PATJ: variants seen among roughly 807,000 people sequenced by gnomAD.
The protein encoded by PATJ is inaD-like protein.
PATJ carries 190 observed loss-of-function variants against 224.9 expected under a neutral mutation model. That is an observed-to-expected ratio of 0.84 (90% CI 0.75 to 0.95). The LOEUF (loss-of-function observed/expected upper bound fraction) is 0.95, where lower values mean the gene tolerates loss of function less well. Ranked by LOEUF, PATJ falls within the 40% of genes least tolerant of loss-of-function variation. PATJ has a pLI of 0.00. For missense variants in PATJ, 2,121 were observed against 2,270.3 expected (o/e 0.93, Z 1.34); for synonymous variants, 769 against 820.3 (o/e 0.94, Z 1.07).
chr1:61,901,637 G>A (rs1335509486), intron 24 of PATJ, among the ~76,000 whole-genome samples, 178 bp downstream of exon 24: 2 of 152,194 alleles, frequency 1.3e-5, no homozygotes, highest in Non-Finnish European at 1.5e-5. Flanking sequence ...TCAAGTGAGT[G>A]TGGGCAGGGG....
chr1:62,084,571 C>G lies in PATJ; in HGVS notation c.4300C>G (p.Gln1434Glu). 1.9e-6 allele frequency: 3 copies of G among 1,613,290 alleles called. No individual in the cohort carries two copies. Among genetic ancestry groups the G allele is most frequent in the Non-Finnish European group, 2.5e-6 (3 of 1,179,748 alleles). ...DPATCPIVPG[Q>E]EMIIEISKGR... ...CGCAACGTGTCCCATTGTCCCTGGA[C>G]AGGAAATGATTATAGAAATATCCAA... The change falls in exon 33 of 44, where the codon CAG becomes GAG. Residue 1434 changes from glutamine (Q) to glutamate (E), a missense_variant. Physicochemically the swap from Gln to Glu is conservative, Grantham distance 29. Transcript: ENST00000642238.
intron 41 of PATJ, among the ~76,000 whole-genome samples, chr1:62,146,645 C>T (rs1396227691): frequency 2.0e-5 from 3 of 151,854 alleles, no homozygotes; most frequent in African/African-American, 7.3e-5. Context: ...GGCGTGGTGG[C>T]GGGTGCCTGT....
intron 27 of PATJ, among the ~76,000 whole-genome samples, chr1:61,964,394 TA>T (rs1681771226): frequency 6.6e-6 from 1 of 152,182 alleles, no homozygotes; most frequent in African/African-American, 2.4e-5. Context: ...AAAAGCAGTA[TA>T]ATTTCTTATG....
chr1:61,801,671 C>A lies in PATJ; in HGVS notation c.1451C>A (p.Ala484Glu). 6.2e-7 allele frequency: 1 copy of A among 1,600,012 alleles called. No homozygotes were observed. Among genetic ancestry groups the A allele is most frequent in the Non-Finnish European group, 8.5e-7 (1 of 1,170,392 alleles). ...LKPPALFLTG[A>E]VETETNVDGE... is the part of the protein sequence containing the mutation. ...CCACCAGCTCTCTTTCTAACTGGAG[C>A]AGTGGAAACTGAAACTAATGTGGAT... Residue 484 changes from alanine (A) to glutamate (E), a missense_variant, in exon 12 of 44, where the codon GCA becomes GAA. Coordinates refer to ENST00000642238, the MANE Select transcript of PATJ (RefSeq NM_001350145.3).
chr1:61,991,182 AATGATGATGATG>A (rs71582656), intron 28 of PATJ, among the ~76,000 whole-genome samples: 24 of 151,042 alleles, frequency 1.6e-4, no homozygotes, highest in South Asian at 6.3e-4. Flanking sequence ...TAAGAAATGC[AATGATGATGATG>A]ATGATGATGA....
At chr1:61,982,580 T>C (rs372408298) in intron 27 of PATJ, among the ~76,000 whole-genome samples, 117 of 152,184 alleles carry the variant, frequency 7.7e-4, no homozygotes, top group Non-Finnish European at 1.6e-3. Flanking sequence ...ATTGTGACCA[T>C]GTGAGGATTC....
At chr1:62,137,585 G>GA (rs1419317689) in intron 41 of PATJ, among the ~76,000 whole-genome samples, 3 of 112,420 alleles carry the variant, frequency 2.7e-5, no homozygotes, top group Non-Finnish European at 3.7e-5. Flanking sequence ...AGAGGCCTGA[G>GA]GGGGAAATGC....
intron 33 of PATJ, among the ~76,000 whole-genome samples, chr1:62,085,998 G>A (rs1039730872): frequency 2.6e-5 from 4 of 151,840 alleles, no homozygotes; most frequent in African/African-American, 9.7e-5. Flanking sequence ...TAAATAAATA[G>A]AGATGGGGTC....
intron 41 of PATJ, among the ~76,000 whole-genome samples, chr1:62,145,530 G>A (rs1667954745): frequency 6.6e-6 from 1 of 152,112 alleles, no homozygotes; most frequent in East Asian, 1.9e-4. Flanking sequence ...GCATGGTGGT[G>A]CATGCCGGTA....
chr1:61,923,352 A>G (rs897158430), intron 26 of PATJ, among the ~76,000 whole-genome samples: 10 of 152,218 alleles, frequency 6.6e-5, no homozygotes, highest in Non-Finnish European at 1.5e-4. Context: ...TCATGGTGCC[A>G]CATGTAGTGA....
chr1:61,846,986 A>G (rs1269653895), intron 17 of PATJ, among the ~76,000 whole-genome samples: 1 of 152,196 alleles, frequency 6.6e-6, no homozygotes, highest in African/African-American at 2.4e-5. Flanking sequence ...CTTTTAGATA[A>G]AGGATAGTTG....
chr1:61,848,700 C>T (rs759190186), intron 17 of PATJ, among the ~76,000 whole-genome samples: 4 of 152,096 alleles, frequency 2.6e-5, no homozygotes, highest in South Asian at 4.1e-4. Flanking sequence ...ACACTATGCC[C>T]GGCCAGCTGT....
intron 42 of PATJ, among the ~76,000 whole-genome samples, chr1:62,150,042 G>A (rs1668464651): frequency 6.6e-6 from 1 of 152,114 alleles, no homozygotes; most frequent in Non-Finnish European, 1.5e-5. Flanking sequence ...AATGGCTTTG[G>A]GCATCTAGCT....
rs138186512 is a variant in PATJ at position 61,943,154 on chromosome 1, G to A, written c.3670+15325G>A. On this transcript the variant is annotated intron_variant, in intron 27 of 43. Coordinates refer to ENST00000642238, the MANE Select transcript of PATJ (RefSeq NM_001350145.3). ...CTGCTGAGAAGATTCCAAGATGGCC[G>A]AATAGGAACAGCTCCAGTCTACAGC... Among the ~76,000 whole-genome samples, 25 of 152,294 alleles carry A rather than the reference G, an allele frequency of 1.6e-4. 1 individual carries two copies. Among genetic ancestry groups the A allele is most frequent in the East Asian group, 5.8e-4 (3 of 5,186 alleles).
At chr1:61,959,439 CT>C (rs1207583070) in intron 27 of PATJ, among the ~76,000 whole-genome samples, 9 of 97,580 alleles carry the variant, frequency 9.2e-5, no homozygotes, top group East Asian at 2.1e-3. Context: ...TTTTTCTTTT[CT>C]TTTTTTTTTT....
At chr1:61,870,523 G>A (rs1666169200) in intron 20 of PATJ, among the ~76,000 whole-genome samples, 1 of 152,056 alleles carries the variant, frequency 6.6e-6, no homozygotes, top group Non-Finnish European at 1.5e-5. Context: ...GTTTTGTCAG[G>A]GACCTGCCCT....
chr1:61,855,004 A>G (rs1394093181), intron 17 of PATJ, among the ~76,000 whole-genome samples: 6 of 152,232 alleles, frequency 3.9e-5, no homozygotes, highest in Non-Finnish European at 8.8e-5. Context: ...CACATTATTT[A>G]TAAATATACT....
chr1:61,775,170 C>G (rs932345189), intron 6 of PATJ, 36 bp from the exon 7 acceptor site: 6 of 1,590,952 alleles, frequency 3.8e-6, no homozygotes, highest in Non-Finnish European at 5.1e-6. Context: ...GTGTGTATTA[C>G]TGATACTGCG....
At chr1:62,010,822 T>C (rs1646404565) in intron 28 of PATJ, among the ~76,000 whole-genome samples, 1 of 152,204 alleles carries the variant, frequency 6.6e-6, no homozygotes, top group Non-Finnish European at 1.5e-5. Context: ...TGAAAGGCTA[T>C]TGTTGAAAAT....
Sources: gnomAD v4.1 joint callset for allele counts (sites outside exome capture counted in the v4.1 genomes callset) on GRCh38, gnomAD v4.1.1 for gene constraint, MANE v1.5 for transcripts, NCBI Gene and HGNC (gene_info 2026-07-23, HGNC 2026-07-21) for gene names.